COL28A1: variants seen among roughly 807,000 people sequenced by gnomAD.
The protein encoded by COL28A1 is collagen alpha-1(XXVIII) chain.
COL28A1 carries 161 observed loss-of-function variants against 150.2 expected under a neutral mutation model. The ratio of observed to expected loss-of-function variants is 1.07; its 90% CI spans 0.94 to 1.22. The LOEUF is 1.22. COL28A1 is among the 50% of genes most tolerant of loss of function. The pLI, the probability that COL28A1 is intolerant of heterozygous loss-of-function variation, is 0.00. For synonymous variants in COL28A1, 552 were observed against 469.7 expected (o/e 1.18, Z -2.26); for missense variants, 1,617 against 1,388.3 (o/e 1.16, Z -2.62).
chr7:7,406,381 A>G (rs1217249385), intron 27 of COL28A1, among the ~76,000 whole-genome samples: 2 of 152,188 alleles, frequency 1.3e-5, no homozygotes, highest in African/African-American at 2.4e-5. Context: ...TATTCATTCA[A>G]CAAATATTTA....
chr7:7,503,466 G>C (rs1263190848), intron 11 of COL28A1, among the ~76,000 whole-genome samples: 3 of 152,168 alleles, frequency 2.0e-5, no homozygotes, highest in Non-Finnish European at 2.9e-5. Context: ...CTGAATTTTA[G>C]AGGGTTTCTT....
chr7:7,351,240 G>T (rs1017785002), downstream of COL28A1, among the ~76,000 whole-genome samples: 2 of 152,142 alleles, frequency 1.3e-5, no homozygotes, highest in African/African-American at 2.4e-5. Context: ...GATGGTAAAA[G>T]AGCCATGGAA....
At chr7:7,446,699 C>T (rs1327125209) in intron 18 of COL28A1, among the ~76,000 whole-genome samples, 1 of 152,166 alleles carries the variant, frequency 6.6e-6, no homozygotes, top group African/African-American at 2.4e-5. Flanking sequence ...AGACATAGCA[C>T]AATTTAAGCT....
chr7:7,372,968 C>G, intron 32 of COL28A1, 30 bp downstream of exon 32: 1 of 1,584,456 alleles, frequency 6.3e-7, no homozygotes, highest in South Asian at 1.2e-5. Context: ...ACATAAATGC[C>G]TTTCCCCTGG....
chr7:7,452,225 CACACACAG>C, intron 18 of COL28A1, 86 bp downstream of exon 18: 1 of 1,521,850 alleles, frequency 6.6e-7, no homozygotes, highest in Non-Finnish European at 8.7e-7. Context: ...AGTTAGATAA[CACACACAG>C]AGTCTGTAAG....
intron 27 of COL28A1, among the ~76,000 whole-genome samples, chr7:7,400,699 AC>A (rs1783127322): frequency 6.8e-6 from 1 of 147,836 alleles, no homozygotes; most frequent in Non-Finnish European, 1.5e-5. Flanking sequence ...AAAAAAAAAA[AC>A]CTTCCTTAAT....
At chr7:7,368,799 C>T (rs971158163) in intron 33 of COL28A1, among the ~76,000 whole-genome samples, 4 of 152,204 alleles carry the variant, frequency 2.6e-5, no homozygotes, top group African/African-American at 9.6e-5. Context: ...TTAAGCCACT[C>T]AGTCTATGGT....
intron 27 of COL28A1, among the ~76,000 whole-genome samples, chr7:7,402,488 A>T (rs1783261510): frequency 6.6e-6 from 1 of 152,014 alleles, no homozygotes; most frequent in Admixed American, 6.6e-5. Context: ...GCATGTAGTA[A>T]TTGTATCATA....
chr7:7,425,839 T>C (rs1429298649), intron 25 of COL28A1, among the ~76,000 whole-genome samples: 1 of 152,166 alleles, frequency 6.6e-6, no homozygotes, highest in Non-Finnish European at 1.5e-5. Context: ...AGCTAATAAG[T>C]GGCAAGGTTT....
At chr7:7,526,791 A>G (rs1459428911) in intron 3 of COL28A1, among the ~76,000 whole-genome samples, 1 of 152,060 alleles carries the variant, frequency 6.6e-6, no homozygotes, top group Non-Finnish European at 1.5e-5. Context: ...CACGCCAACA[A>G]GCCAGGGTAA....
chr7:7,355,161 G>T (rs73038724), downstream of COL28A1, among the ~76,000 whole-genome samples: 4,404 of 152,142 alleles, frequency 0.029, 106 homozygotes, highest in Non-Finnish European at 0.046. Context: ...AATTAGCAAA[G>T]AATTATATTT....
intron 11 of COL28A1, among the ~76,000 whole-genome samples, chr7:7,502,315 G>A (rs533250035): frequency 6.6e-6 from 1 of 152,354 alleles, no homozygotes; most frequent in East Asian, 1.9e-4. Context: ...AGGCAACAAA[G>A]TCATTCAGGG....
intron 2 of COL28A1, among the ~76,000 whole-genome samples, chr7:7,532,328 GAAA>G (rs1170284967): frequency 1.4e-4 from 22 of 151,924 alleles, no homozygotes; most frequent in African/African-American, 5.3e-4. Flanking sequence ...AATCAAGGGA[GAAA>G]ATGACTATAC....
Position 7,453,440 on chromosome 7 carries a change from C to T in COL28A1, c.1440G>A (p.Lys480=). ...GPAGQGLPGS[K]GEVGQMGPTG... is the part of the protein sequence containing the mutation. ...ACTCCGCTCTCATTTACAAAGTTAC[C>T]TTGGAACCAGGTAAGCCCTGTCCTG... Residue 480 remains lysine, a splice_region_variant and synonymous_variant, in exon 17 of 35, where the codon AAG becomes AAA. Coordinates refer to ENST00000399429, the MANE Select transcript of COL28A1 (RefSeq NM_001037763.3). 1 of 1,184,066 alleles carries T rather than the reference C, an allele frequency of 8.4e-7. No homozygotes were observed. Among genetic ancestry groups the T allele is most frequent in the Non-Finnish European group, 1.3e-6 (1 of 787,254 alleles). The allele number at this position is 1,184,066 out of a possible 1,614,324, so 73.3% of individuals were successfully genotyped here. A position where few individuals can be genotyped will look rare whatever the true frequency, so the allele number is the denominator to read the frequency against.
chr7:7,531,592 C>T lies in COL28A1; in HGVS notation c.437G>A (p.Arg146Lys). Residue 146 changes from arginine (R) to lysine (K), a missense_variant, in exon 3 of 35, where the codon AGA (arginine) becomes AAA (lysine). By Grantham distance (26) the Arg-to-Lys change is conservative. Transcript: ENST00000399429. ...TTTCACACCATCCTTACGCCCTTCT[C>T]TCTTAAGTAGCCTAGTGGCATTGGA... ...AISNATRLLK[R>K]EGRKDGVKVV... 2 of 1,605,618 alleles carry T rather than the reference C, an allele frequency of 1.2e-6. No individual in the cohort carries two copies. Among genetic ancestry groups the T allele is most frequent in the Non-Finnish European group, 8.5e-7 (1 of 1,172,238 alleles).
intron 27 of COL28A1, among the ~76,000 whole-genome samples, chr7:7,411,272 C>T (rs1164696301): frequency 6.6e-6 from 1 of 152,152 alleles, no homozygotes. Context: ...ATCTTAAGCA[C>T]AGAGTCAAGA....
intron 8 of COL28A1, among the ~76,000 whole-genome samples, chr7:7,512,115 C>T (rs1781174945): frequency 6.6e-6 from 1 of 152,066 alleles, no homozygotes; most frequent in Non-Finnish European, 1.5e-5. Flanking sequence ...AAGCCAGGAA[C>T]AGAAAGACAA....
chr7:7,451,170 C>G (rs376270076), intron 18 of COL28A1, among the ~76,000 whole-genome samples: 29 of 151,566 alleles, frequency 1.9e-4, no homozygotes, highest in African/African-American at 7.0e-4. Context: ...AAAGCTGGGC[C>G]GTGGAATACA....
chr7:7,346,456 A>C, the COL28A1 span, among the ~76,000 whole-genome samples: 1 of 152,102 alleles, frequency 6.6e-6, no homozygotes, highest in Non-Finnish European at 1.5e-5. Flanking sequence ...AGAGAATTAG[A>C]AAAGCCCTCC....
Sources: allele counts gnomAD v4.1 joint callset (sites outside exome capture counted in the v4.1 genomes callset), GRCh38; gene constraint gnomAD v4.1.1; transcripts MANE v1.5; gene names NCBI Gene and HGNC (gene_info 2026-07-23, HGNC 2026-07-21).